Variants in IQCH observed in about 807,000 individuals in gnomAD.
The protein encoded by IQCH is IQ domain-containing protein H.
Under a neutral mutation model 117.0 loss-of-function variants are expected in IQCH, and 98 were observed. The ratio of observed to expected loss-of-function variants is 0.84; its 90% confidence interval spans 0.71 to 0.99. The LOEUF (loss-of-function observed/expected upper bound fraction) is 0.99, where lower values mean the gene tolerates loss of function less well. Among genes scored for constraint, IQCH ranks in the 50% least tolerant of loss-of-function variants. The pLI, the probability that IQCH is intolerant of heterozygous loss-of-function variation, is 0.00. For missense variants in IQCH, 1,102 were observed against 1,243.8 expected, an observed-to-expected ratio of 0.89 and a Z score of 1.72; for synonymous variants, 412 against 448.2, an observed-to-expected ratio of 0.92 and a Z score of 1.02.
chr15:67,259,361 AT>A (rs1596045320), intron 1 of IQCH, among the ~76,000 whole-genome samples: 1 of 152,152 alleles, frequency 6.6e-6, no homozygotes, highest in East Asian at 1.9e-4. Context: ...ATATTACCTC[AT>A]TTTCATTCAA....
chr15:67,419,321 C>T (rs2081662156), intron 15 of IQCH, among the ~76,000 whole-genome samples: 1 of 152,134 alleles, frequency 6.6e-6, no homozygotes, highest in African/African-American at 2.4e-5. Context: ...TTCAAAGCTT[C>T]TGCCTTTCTC....
Position 67,391,664 on chromosome 15 carries a change from G to C in IQCH, c.1632+2658G>C, listed in dbSNP as rs1212938879. On this transcript the variant is annotated intron_variant, in intron 12 of 20. Coordinates refer to ENST00000335894, the MANE Select transcript of IQCH (RefSeq NM_001031715.3). The surrounding 1 kb of genome is among the most constrained non-coding windows in gnomAD (Gnocchi z 4.3). ...AGACACATTTTAGATTTTGTCATCT[G>C]TGTTAATCCACTGCCTGGATCTGAT... Among the ~76,000 whole-genome samples the C allele has an allele frequency of 6.6e-6, 1 of 152,140 alleles. No individual in the cohort carries two copies. The highest frequency in any genetic ancestry group is 1.9e-4 in the East Asian group (1 of 5,198).
chr15:67,499,751 T>C (rs2083928929), intron 20 of IQCH, among the ~76,000 whole-genome samples: 2 of 152,198 alleles, frequency 1.3e-5, no homozygotes, highest in Admixed American at 1.3e-4. Flanking sequence ...CTATGGATAA[T>C]ATTTTATATA....
At chr15:67,338,239 C>CTATCTATCTATT (rs756279870) in intron 5 of IQCH, among the ~76,000 whole-genome samples, 58 of 149,954 alleles carry the variant, frequency 3.9e-4, no homozygotes, top group South Asian at 6.4e-4. Context: ...ATCTATCTAT[C>CTATCTATCTATT]TATCTATCTG....
intron 4 of IQCH, among the ~76,000 whole-genome samples, chr15:67,302,083 A>G (rs1479405519): frequency 6.6e-6 from 1 of 152,168 alleles, no homozygotes; most frequent in African/African-American, 2.4e-5. Flanking sequence ...ATAACCACAC[A>G]AACTTGATGG....
intron 16 of IQCH, among the ~76,000 whole-genome samples, chr15:67,462,311 C>T (rs888739078): frequency 6.6e-6 from 1 of 151,596 alleles, no homozygotes; most frequent in Non-Finnish European, 1.5e-5. Context: ...CACCTATAAT[C>T]CCAGCTACTC....
chr15:67,489,985 C>A lies in IQCH; in HGVS notation c.2800-18C>A, dbSNP rs1423758595. 3 of 1,551,476 alleles carry A rather than the reference C, an allele frequency of 1.9e-6. No individual in the cohort carries two copies. The African/African-American group carries it at 4.1e-5, about 21-fold the overall frequency. On this transcript the variant is annotated intron_variant, in intron 18 of 20. Coordinates refer to ENST00000335894, the MANE Select transcript of IQCH (RefSeq NM_001031715.3). ...GAGATAATATACTATTTCTTTTCTC[C>A]CCATTCAAATTTTACAGGAAAGGCA...
At chr15:67,451,589 C>G (rs955232217) in intron 16 of IQCH, among the ~76,000 whole-genome samples, 28 of 152,216 alleles carry the variant, frequency 1.8e-4, no homozygotes, top group Middle Eastern at 6.8e-3. Context: ...GTCTGAGAGA[C>G]AGTTTGTTAT....
In IQCH at chr15:67,494,483, T is replaced by G; in HGVS notation, c.2970+117T>G. 1 of 655,050 alleles carries G rather than the reference T, an allele frequency of 1.5e-6. No individual in the cohort carries two copies. Among genetic ancestry groups the G allele is most frequent in the South Asian group, 2.1e-5 (1 of 48,112 alleles). 40.6% of individuals were successfully genotyped at this position (655,050 alleles called of 1,614,324 possible). ...TTTTTTTTATTGTAAGCAGTACATA[T>G]TTTACAGTGTGCAGGGTCAATACTG... On this transcript the variant is annotated intron_variant, in intron 20 of 20. Coordinates refer to ENST00000335894, the MANE Select transcript of IQCH (RefSeq NM_001031715.3). The surrounding 1 kb of genome is among the most constrained non-coding windows in gnomAD (Gnocchi z 5.5).
rs2083178175 is a variant in IQCH, at chr15:67,475,363, A to C, written c.2677-333A>C. Among the ~76,000 whole-genome samples the C allele has an allele frequency of 6.6e-6, 1 of 152,190 alleles. No individual in the cohort carries two copies. Among genetic ancestry groups the C allele is most frequent in the Non-Finnish European group, 1.5e-5 (1 of 68,044 alleles). On this transcript the variant is annotated intron_variant, in intron 17 of 20. Transcript: ENST00000335894. The surrounding 1 kb of genome is among the most constrained non-coding windows in gnomAD (Gnocchi z 5.7). Reference sequence around the variant, plus strand: ...TGTGGTGGCATGCACCTGTAGTCCCAGCTACTTGGGAGGCTGAAGCAGGAG... The same window carrying C: ...TGTGGTGGCATGCACCTGTAGTCCCCGCTACTTGGGAGGCTGAAGCAGGAG...
At chr15:67,489,036 A>ATTT (rs749936385) in intron 18 of IQCH, among the ~76,000 whole-genome samples, 2 of 143,388 alleles carry the variant, frequency 1.4e-5, no homozygotes, top group African/African-American at 5.1e-5. Context: ...TACATATATA[A>ATTT]TTTTTTTTTT....
At position 67,450,311 on chromosome 15, in the gene IQCH, G is replaced by A. The variant is rs574709114; in HGVS notation, c.2506-14816G>A. 2.6e-5 allele frequency among the ~76,000 whole-genome samples: 4 copies of A among 152,290 alleles called. No individual in the cohort carries two copies. In the South Asian group the frequency reaches 8.3e-4, roughly 32 times the overall value. ...TCCCTGTCTTGTGCCTGTTTTCAAAGGGAATGCTTCCAGTTTTTGCCCATT... is the reference window on the plus strand; with the variant it reads ...TCCCTGTCTTGTGCCTGTTTTCAAAAGGAATGCTTCCAGTTTTTGCCCATT... On this transcript the variant is annotated intron_variant, in intron 16 of 20. Transcript: ENST00000335894.
At position 67,424,516 on chromosome 15, in the gene IQCH, C is replaced by A. The variant is rs1270813691; in HGVS notation, c.2505+2939C>A. ...CTCTTTTAAGCGATGTGCTGTGTTT[C>A]TTTTTGCTCCCCCACTGTATTCTCA... On this transcript the variant is annotated intron_variant, in intron 16 of 20. Coordinates refer to ENST00000335894, the MANE Select transcript of IQCH (RefSeq NM_001031715.3). This position sits in a 1 kb window ranked among gnomAD's most constrained non-coding sequence, Gnocchi z 4.9. 6.6e-6 allele frequency among the ~76,000 whole-genome samples: 1 copy of A among 152,168 alleles called. No individual in the cohort carries two copies. Among genetic ancestry groups the A allele is most frequent in the Non-Finnish European group, 1.5e-5 (1 of 68,030 alleles).
rs146249942 is a variant in IQCH, at chr15:67,359,228, A to G, written c.715-619A>G. On this transcript the variant is annotated intron_variant, in intron 7 of 20. Coordinates refer to ENST00000335894, the MANE Select transcript of IQCH (RefSeq NM_001031715.3). This position sits in a 1 kb window ranked among gnomAD's most constrained non-coding sequence, Gnocchi z 4.5. Reference sequence around the variant, plus strand: ...ATTATGACTAGGTTTTAGCCAGTAAATGGTTTACCACGAAAAAAATAGTTT... The same window carrying G: ...ATTATGACTAGGTTTTAGCCAGTAAGTGGTTTACCACGAAAAAAATAGTTT... 6.6e-6 allele frequency among the ~76,000 whole-genome samples: 1 copy of G among 152,352 alleles called. No homozygotes were observed. The highest frequency in any genetic ancestry group is 1.5e-5 in the Non-Finnish European group (1 of 68,036).
At position 67,390,850 on chromosome 15, in the gene IQCH, T is replaced by C. The variant is rs1971262117; in HGVS notation, c.1632+1844T>C. Among the ~76,000 whole-genome samples the C allele has an allele frequency of 6.6e-6, 1 of 152,154 alleles. No homozygotes were observed. Among genetic ancestry groups the C allele is most frequent in the Non-Finnish European group, 1.5e-5 (1 of 68,022 alleles). ...ATGGAAAGATAGCTCTTTTTACCTA[T>C]CTCCGTTTATGGCTGAGGAAACCAA... is the stretch of plus-strand genomic sequence containing the variant. On this transcript the variant is annotated intron_variant, in intron 12 of 20. Coordinates refer to ENST00000335894, the MANE Select transcript of IQCH (RefSeq NM_001031715.3). This position sits in a 1 kb window ranked among gnomAD's most constrained non-coding sequence, Gnocchi z 5.0.
rs996923659 is a variant in IQCH, at chr15:67,494,639, C to T, written c.2970+273C>T. Among the ~76,000 whole-genome samples, 33 of 152,290 alleles carry T rather than the reference C, an allele frequency of 2.2e-4. 1 individual carries two copies. The highest frequency in any genetic ancestry group is 2.1e-4 in the South Asian group (1 of 4,826). On this transcript the variant is annotated intron_variant, in intron 20 of 20. Coordinates refer to ENST00000335894, the MANE Select transcript of IQCH (RefSeq NM_001031715.3). This position sits in a 1 kb window ranked among gnomAD's most constrained non-coding sequence, Gnocchi z 5.5. ...GATAGCAGATCTTTCTGATGTTGGACGTGAGTCTGAAATGTCACAATGGAA... is the reference window on the plus strand; with the variant it reads ...GATAGCAGATCTTTCTGATGTTGGATGTGAGTCTGAAATGTCACAATGGAA...
In IQCH at chr15:67,433,641, C is replaced by T. The variant is rs1344397633; in HGVS notation, c.2505+12064C>T. Among the ~76,000 whole-genome samples the T allele has an allele frequency of 6.6e-6, 1 of 152,180 alleles. No homozygotes were observed. ...CCTCTCTGCACTTAGGGATCTTTAA[C>T]TTGAATCACCAGAAACATGGCCAGG... On this transcript the variant is annotated intron_variant, in intron 16 of 20. Transcript: ENST00000335894. This position sits in a 1 kb window ranked among gnomAD's most constrained non-coding sequence, Gnocchi z 5.4.
At chr15:67,307,171 T>A in intron 4 of IQCH, 1 of 991,550 alleles carries the variant, frequency 1.0e-6, no homozygotes, top group Non-Finnish European at 1.2e-6. Flanking sequence ...TGTAGAATTA[T>A]ACCAGTTCTT....
Position 67,337,114 on chromosome 15 carries a change from A to G in IQCH, c.508+19A>G, listed in dbSNP as rs769509045. ...CACAAAGGTTAGTGATTCAATAGCC[A>G]TTTTACGTGTTTAGGAACGGAAAAG... is the stretch of plus-strand genomic sequence containing the variant. On this transcript the variant is annotated intron_variant, in intron 5 of 20. Transcript: ENST00000335894. 4 of 1,611,972 alleles carry G rather than the reference A, an allele frequency of 2.5e-6. No homozygotes were observed. The highest frequency in any genetic ancestry group is 1.6e-4 in the Middle Eastern group (1 of 6,074).
Sources: gnomAD v4.1 joint callset for allele counts (sites outside exome capture counted in the v4.1 genomes callset) on GRCh38, gnomAD v4.1.1 for gene constraint, Gnocchi (gnomAD v3.1) non-coding constraint, MANE v1.5 for transcripts, NCBI Gene and HGNC (gene_info 2026-07-23, HGNC 2026-07-21) for gene names.